The following TTC7B variants were observed in gnomAD, a reference collection of about 807,000 sequenced individuals.
TTC7B encodes the protein tetratricopeptide repeat protein 7B.
In TTC7B, 28 loss-of-function variants were observed where a neutral mutation model predicts 106.8. That is an observed-to-expected ratio of 0.26 (90% confidence interval 0.19 to 0.36). The LOEUF (loss-of-function observed/expected upper bound fraction) is 0.36, where lower values mean the gene tolerates loss of function less well. TTC7B is among the 10% of genes least tolerant of loss of function. TTC7B has a pLI of 1.00. For synonymous variants in TTC7B, 405 were observed against 430.6 expected (o/e 0.94, Z 0.74); for missense variants, 862 against 1,076.4 (o/e 0.80, Z 2.79).
chr14:90,652,927 C>T (rs763463674), intron 12 of TTC7B, 29 bp from the exon 13 acceptor site: 3 of 1,612,416 alleles, frequency 1.9e-6, no homozygotes, highest in Non-Finnish European at 2.5e-6. Flanking sequence ...TAGTCAGTGG[C>T]ATGGGGGATC....
At chr14:90,782,232 C>T (rs1203656957) in intron 2 of TTC7B, among the ~76,000 whole-genome samples, 1 of 151,988 alleles carries the variant, frequency 6.6e-6, no homozygotes, top group African/African-American at 2.4e-5. Context: ...ATGGGTGGCC[C>T]AAGGGAGAGG....
At chr14:90,669,594 T>A (rs558901007) in intron 9 of TTC7B, among the ~76,000 whole-genome samples, 1 of 151,284 alleles carries the variant, frequency 6.6e-6, no homozygotes, top group Non-Finnish European at 1.5e-5. Flanking sequence ...GAGTTTATTA[T>A]TTAGACTTTA....
intron 17 of TTC7B, among the ~76,000 whole-genome samples, chr14:90,595,951 C>G (rs57882673): frequency 6.6e-6 from 1 of 152,102 alleles, no homozygotes; most frequent in Non-Finnish European, 1.5e-5. Flanking sequence ...GCAGCACAAG[C>G]GTCACCTGGG....
intron 19 of TTC7B, among the ~76,000 whole-genome samples, chr14:90,541,860 C>A (rs898714288): frequency 6.6e-6 from 1 of 152,222 alleles, no homozygotes; most frequent in Non-Finnish European, 1.5e-5. Context: ...ACTTAAGAAC[C>A]ATGAATGAAC....
chr14:90,546,414 T>C (rs1714062680), intron 19 of TTC7B, among the ~76,000 whole-genome samples: 1 of 152,254 alleles, frequency 6.6e-6, no homozygotes, highest in African/African-American at 2.4e-5. Flanking sequence ...ATGGAGCTGT[T>C]GTCAGCACCA....
At chr14:90,705,815 G>A (rs1260232266) in intron 5 of TTC7B, among the ~76,000 whole-genome samples, 1 of 151,890 alleles carries the variant, frequency 6.6e-6, no homozygotes, top group East Asian at 1.9e-4. Flanking sequence ...CTTCAAAATC[G>A]CTCCTACTTT....
chr14:90,581,821 C>A (rs1416899895), intron 18 of TTC7B, among the ~76,000 whole-genome samples: 1 of 152,220 alleles, frequency 6.6e-6, no homozygotes, highest in Non-Finnish European at 1.5e-5. Flanking sequence ...AAGTATCTCA[C>A]TGGTCGCCAA....
intron 11 of TTC7B, 48 bp from the exon 12 acceptor site, chr14:90,655,158 A>G: frequency 6.9e-7 from 1 of 1,438,884 alleles, no homozygotes; most frequent in Non-Finnish European, 9.8e-7. Flanking sequence ...CAGAATTTCT[A>G]ACATGAGTTC....
rs1386016489 is a variant in TTC7B at position 90,572,624 on chromosome 14, A to AAGAC, written c.2310+5478_2310+5481dup. Among the ~76,000 whole-genome samples, 3 of 152,220 alleles carry AAGAC rather than the reference A, an allele frequency of 2.0e-5. No homozygotes were observed. The South Asian group carries it at 6.2e-4, about 32-fold the overall frequency. On this transcript the variant is annotated intron_variant, in intron 19 of 19. Coordinates refer to ENST00000328459, the MANE Select transcript of TTC7B (RefSeq NM_001010854.2). ...CAGAAGATCATAGAGGAACTCCTCAAAGACAGCCTGTGTATGAAACCTTTA... is the reference window on the plus strand; with the variant it reads ...CAGAAGATCATAGAGGAACTCCTCAAAGACAGACAGCCTGTGTATGAAACCTTTA...
chr14:90,703,699 C>A (rs1463121390), intron 5 of TTC7B, among the ~76,000 whole-genome samples: 1 of 152,218 alleles, frequency 6.6e-6, no homozygotes. Context: ...GCGTCGCAAG[C>A]CTACAGGCCT....
At chr14:90,668,454 G>A (rs1886499190) in intron 9 of TTC7B, among the ~76,000 whole-genome samples, 1 of 152,120 alleles carries the variant, frequency 6.6e-6, no homozygotes, top group South Asian at 2.1e-4. Context: ...ACTGTACAAT[G>A]GGTACTTCCC....
chr14:90,722,669 T>C (rs1035965021), intron 5 of TTC7B, among the ~76,000 whole-genome samples: 2 of 152,228 alleles, frequency 1.3e-5, no homozygotes, highest in African/African-American at 4.8e-5. Flanking sequence ...GCTTCTGCTC[T>C]TACCACTCCA....
intron 19 of TTC7B, among the ~76,000 whole-genome samples, chr14:90,548,666 G>C (rs1889940589): frequency 6.6e-6 from 1 of 152,214 alleles, no homozygotes; most frequent in Non-Finnish European, 1.5e-5. Context: ...GCCTGACACT[G>C]GGCAGGTGGC....
chr14:90,581,391 G>T (rs1257210004), intron 18 of TTC7B, among the ~76,000 whole-genome samples: 4 of 152,172 alleles, frequency 2.6e-5, no homozygotes, highest in Non-Finnish European at 5.9e-5. Context: ...TCTCCCTTCT[G>T]GGAGACAAAC....
chr14:90,644,143 C>A lies in TTC7B; in HGVS notation c.1656G>T (p.Leu552=), dbSNP rs1191513845. 2 of 1,613,870 alleles carry A rather than the reference C, an allele frequency of 1.2e-6. No individual in the cohort carries two copies. The highest frequency in any genetic ancestry group is 1.1e-5 in the South Asian group (1 of 91,070). Residue 552 remains leucine, a synonymous_variant, in exon 15 of 20, where the codon CTG becomes CTT. Transcript: ENST00000328459. ...CTGACAGCAGGAGGGCAAGGAGGTG[C>A]AGGGAGTTGGCATCGTCACCTTGAA... The part of the protein sequence containing the change: ...LQLQGDDANS[L]HLLALLLSAQ...
At chr14:90,671,725 G>C (rs1388387495) in intron 9 of TTC7B, among the ~76,000 whole-genome samples, 1 of 152,202 alleles carries the variant, frequency 6.6e-6, no homozygotes, top group African/African-American at 2.4e-5. Context: ...AAACCTGTCA[G>C]AATGAGGATG....
intron 4 of TTC7B, among the ~76,000 whole-genome samples, chr14:90,731,406 C>T (rs1450739366): frequency 6.6e-6 from 1 of 152,188 alleles, no homozygotes; most frequent in Non-Finnish European, 1.5e-5. Context: ...AAACCCCAAA[C>T]ATCCTAGAGG....
intron 3 of TTC7B, among the ~76,000 whole-genome samples, chr14:90,777,659 G>A (rs1339032960): frequency 1.3e-5 from 2 of 152,214 alleles, no homozygotes; most frequent in Non-Finnish European, 2.9e-5. Context: ...AGAACCCCCT[G>A]ACAGCAGCCT....
In TTC7B at chr14:90,657,022, GC is replaced by G. The variant is rs1885975125; in HGVS notation, c.1341+151del. 3.1e-6 allele frequency: 2 copies of G among 655,052 alleles called. No homozygotes were observed. Among genetic ancestry groups the G allele is most frequent in the Non-Finnish European group, 2.6e-6 (1 of 389,928 alleles). 40.6% of individuals were successfully genotyped at this position (655,052 alleles called of 1,614,324 possible). ...TGGATGAGGCCTGAGGAGGCCAGGG[GC>G]CCAGGCCCAGGGTCCGTGGCTCTAC... On this transcript the variant is annotated intron_variant, in intron 11 of 19. Coordinates refer to ENST00000328459, the MANE Select transcript of TTC7B (RefSeq NM_001010854.2). This position sits in a 1 kb window ranked among gnomAD's most constrained non-coding sequence, Gnocchi z 4.2.
Sources: gnomAD v4.1 joint callset for allele counts (sites outside exome capture counted in the v4.1 genomes callset) on GRCh38, gnomAD v4.1.1 for gene constraint, Gnocchi (gnomAD v3.1) non-coding constraint, MANE v1.5 for transcripts, NCBI Gene and HGNC (gene_info 2026-07-23, HGNC 2026-07-21) for gene names.